C2CD2: variants seen among roughly 807,000 people sequenced by gnomAD.
C2CD2 encodes C2 domain-containing protein 2.
A neutral mutation model predicts 74.3 loss-of-function variants in C2CD2; 43 were observed. The observed-to-expected ratio is 0.58, with a 90% CI of 0.45 to 0.75. The LOEUF (loss-of-function observed/expected upper bound fraction) is 0.75. Among genes scored for constraint, C2CD2 ranks in the 30% least tolerant of loss-of-function variants. The probability of loss-of-function intolerance (pLI) is 0.00; values close to 1 mark genes in which losing one functional copy is unlikely to be tolerated. For synonymous variants in C2CD2, 422 were observed against 390.7 expected, an observed-to-expected ratio of 1.08 and a Z score of -0.94; for missense variants, 801 against 916.3, an observed-to-expected ratio of 0.87 and a Z score of 1.63.
intron 1 of C2CD2, among the ~76,000 whole-genome samples, chr21:41,946,450 G>A (rs1288042417): frequency 6.6e-6 from 1 of 152,112 alleles, no homozygotes; most frequent in Admixed American, 6.5e-5. Context: ...ATGAGATCTG[G>A]TTGTTTAAAA....
At chr21:41,950,330 C>T (rs2065440035) in intron 1 of C2CD2, among the ~76,000 whole-genome samples, 1 of 152,194 alleles carries the variant, frequency 6.6e-6, no homozygotes, top group African/African-American at 2.4e-5. Context: ...TCCCTGCACA[C>T]CTGGCGTCCA....
intron 11 of C2CD2, among the ~76,000 whole-genome samples, chr21:41,902,072 C>G (rs1288801518): frequency 6.6e-6 from 1 of 152,188 alleles, no homozygotes; most frequent in Non-Finnish European, 1.5e-5. Flanking sequence ...TGGTCTACAG[C>G]TTGATTCCCT....
chr21:41,943,647 G>A (rs1016567981), intron 1 of C2CD2, among the ~76,000 whole-genome samples: 2 of 152,176 alleles, frequency 1.3e-5, no homozygotes, highest in Non-Finnish European at 2.9e-5. Context: ...GAGGGGAAGC[G>A]GTGTAAAACC....
At chr21:41,898,665 A>T (rs1044103913) in intron 13 of C2CD2, among the ~76,000 whole-genome samples, 9 of 152,176 alleles carry the variant, frequency 5.9e-5, no homozygotes, top group Admixed American at 5.9e-4. Flanking sequence ...ACAAAGGAGC[A>T]AAGATGTCCA....
At chr21:41,909,891 C>T (rs1389776657) in intron 7 of C2CD2, among the ~76,000 whole-genome samples, 1 of 151,790 alleles carries the variant, frequency 6.6e-6, no homozygotes, top group East Asian at 1.9e-4. Context: ...TGTGGCCAGT[C>T]GCTGCCATAT....
At chr21:41,942,625 G>A (rs952353365) in intron 1 of C2CD2, among the ~76,000 whole-genome samples, 8 of 152,296 alleles carry the variant, frequency 5.3e-5, no homozygotes, top group African/African-American at 1.7e-4. Context: ...TGGGTCTAGC[G>A]GCGCACCTCG....
intron 8 of C2CD2, among the ~76,000 whole-genome samples, chr21:41,909,243 A>G (rs889811495): frequency 6.6e-6 from 1 of 152,244 alleles, no homozygotes; most frequent in Non-Finnish European, 1.5e-5. Context: ...TAAAAAAACA[A>G]ACAAAAAATC....
intron 2 of C2CD2, among the ~76,000 whole-genome samples, chr21:41,934,623 G>A (rs1272558322): frequency 6.6e-6 from 1 of 152,176 alleles, no homozygotes; most frequent in African/African-American, 2.4e-5. Flanking sequence ...AAACACATGA[G>A]CAAAAATAAC....
chr21:41,948,871 T>TTTTA (rs1491542137), intron 1 of C2CD2, among the ~76,000 whole-genome samples: 1 of 63,704 alleles, frequency 1.6e-5, no homozygotes, highest in African/African-American at 7.0e-5. Context: ...ACACAGCATC[T>TTTTA]TTTTTTTTTT....
Position 41,888,918 on chromosome 21 carries a change from C to A in C2CD2, c.*206G>T, listed in dbSNP as rs2064713675. 1.7e-6 allele frequency: 1 copy of A among 595,210 alleles called. No homozygotes were observed. 36.9% of individuals were successfully genotyped at this position (595,210 alleles called of 1,614,324 possible). A position where few individuals can be genotyped will look rare whatever the true frequency, so the allele number is the denominator to read the frequency against. On this transcript the variant is annotated 3_prime_UTR_variant, in exon 14 of 14. Coordinates refer to ENST00000380486, the MANE Select transcript of C2CD2 (RefSeq NM_015500.2). ...TCAAGTCTCATTTAGCATCTGGTGG[C>A]AAGTTGGGCTTTTTTGTCCTCTCTG...
chr21:41,950,896 G>C (rs2065444719), intron 1 of C2CD2, among the ~76,000 whole-genome samples: 1 of 152,204 alleles, frequency 6.6e-6, no homozygotes, highest in Non-Finnish European at 1.5e-5. Flanking sequence ...CAATCCCTAA[G>C]CGACAGGCCA....
rs1352578631 is a variant in C2CD2 at position 41,885,969 on chromosome 21, C to G, written c.*3155G>C. 6.6e-6 allele frequency: 1 copy of G among 152,482 alleles called. No individual in the cohort carries two copies. Among genetic ancestry groups the G allele is most frequent in the East Asian group, 1.9e-4 (1 of 5,194 alleles). 9.4% of individuals were successfully genotyped at this position (152,482 alleles called of 1,614,324 possible). On this transcript the variant is annotated 3_prime_UTR_variant, in exon 14 of 14. Transcript: ENST00000380486. Reference sequence around the variant, plus strand: ...TCTCACAGCAGGTTTTCAGCTGGAACAAGGAGATGGCTACTTTTTGTTATT... The same window carrying G: ...TCTCACAGCAGGTTTTCAGCTGGAAGAAGGAGATGGCTACTTTTTGTTATT...
chr21:41,914,651 T>C lies in C2CD2; in HGVS notation c.791A>G (p.Lys264Arg), dbSNP rs774993447. ...GACGTGGATGTTCCTCACCAGTAGCTTCAGCTCGTGAGCCCTTGGAGGTTT... is the reference window on the plus strand; with the variant it reads ...GACGTGGATGTTCCTCACCAGTAGCCTCAGCTCGTGAGCCCTTGGAGGTTT... ...PPKPPRAHEL[K>R]LLVRNIHVLL... The change falls in exon 6 of 14, where the codon AAG becomes AGG. Residue 264 changes from lysine (K) to arginine (R), a missense_variant. By Grantham distance (26) the Lys-to-Arg change is conservative. Transcript: ENST00000380486. The C allele has an allele frequency of 3.7e-6, 6 of 1,613,796 alleles. No individual in the cohort carries two copies. The Admixed American group carries it at 8.3e-5, about 22-fold the overall frequency.
chr21:41,907,027 C>A lies in C2CD2; in HGVS notation c.1283G>T (p.Arg428Leu). 6.2e-7 allele frequency: 1 copy of A among 1,614,094 alleles called. No individual in the cohort carries two copies. Among genetic ancestry groups the A allele is most frequent in the Non-Finnish European group, 8.5e-7 (1 of 1,179,994 alleles). ...CGGGGACGCCCTCCCCACGTCGACG[C>A]GAGGCTTGGTCTTCACAGCAGTGAC... ...TTVTAVKTKPRVDVGRASPLS... is the reference protein window; with the variant it reads ...TTVTAVKTKPLVDVGRASPLS... The change falls in exon 10 of 14, where the codon CGC becomes CTC. Residue 428 changes from arginine to leucine, a missense_variant. Arg to Leu is a moderately radical substitution (Grantham distance 102, BLOSUM62 -2). Transcript: ENST00000380486.
intron 7 of C2CD2, chr21:41,912,058 C>T (rs1380683883): frequency 3.2e-6 from 1 of 317,310 alleles, no homozygotes; most frequent in Non-Finnish European, 5.7e-6. Context: ...CCTCCCTTTT[C>T]ACCCTGGATG....
intron 13 of C2CD2, among the ~76,000 whole-genome samples, 168 bp downstream of exon 13, chr21:41,898,885 C>T (rs9984890): frequency 0.26 from 39,360 of 152,070 alleles, 5,705 homozygotes; most frequent in Middle Eastern, 0.41. Context: ...TGCCCCACCA[C>T]GGGTTCAAAC....
intron 1 of C2CD2, among the ~76,000 whole-genome samples, chr21:41,951,921 G>C (rs1387741711): frequency 6.6e-6 from 1 of 152,216 alleles, no homozygotes; most frequent in East Asian, 1.9e-4. Context: ...ACACTTGCCT[G>C]CCTCCTACAA....
At position 41,924,397 on chromosome 21, in the gene C2CD2, A is replaced by G. The variant is rs1439240915; in HGVS notation, c.379-2312T>C. Among the ~76,000 whole-genome samples, 2 of 152,216 alleles carry G rather than the reference A, an allele frequency of 1.3e-5. No homozygotes were observed. On this transcript the variant is annotated intron_variant, in intron 2 of 13. Transcript: ENST00000380486. The surrounding 1 kb of genome is among the most constrained non-coding windows in gnomAD (Gnocchi z 4.4). ...AAAAAGAAAATCCTGCCTTCTCTCA[A>G]TATTGGCAGAAAGTCGTGCAACTCT... is the stretch of plus-strand genomic sequence containing the variant.
rs527772974 is a variant in C2CD2, at chr21:41,911,168, T to C, written c.953+1164A>G. 2.4e-4 allele frequency among the ~76,000 whole-genome samples: 37 copies of C among 152,318 alleles called. No homozygotes were observed. The South Asian group carries it at 3.7e-3, about 15-fold the overall frequency. ...AATGTCACTGAATGTCTTTTGGACA[T>C]ATGTAGAGAAAATACATTTATTTTC... On this transcript the variant is annotated intron_variant, in intron 7 of 13. Transcript: ENST00000380486.
Sources: allele counts gnomAD v4.1 joint callset (sites outside exome capture counted in the v4.1 genomes callset), GRCh38; gene constraint gnomAD v4.1.1; non-coding constraint Gnocchi (gnomAD v3.1); transcripts MANE v1.5; gene names NCBI Gene and HGNC (gene_info 2026-07-23, HGNC 2026-07-21).